CDK13: variants seen among roughly 807,000 people sequenced by gnomAD.
The protein encoded by CDK13 is cyclin dependent kinase 13.
A neutral mutation model predicts 137.6 loss-of-function variants in CDK13; 40 were observed. The ratio of observed to expected loss-of-function variants is 0.29; its 90% CI spans 0.23 to 0.38. The LOEUF is 0.38. CDK13 is among the 10% of genes least tolerant of loss of function. CDK13 has a pLI of 1.00. For synonymous variants in CDK13, 869 were observed against 760.1 expected, an observed-to-expected ratio of 1.14 and a Z score of -2.36; for missense variants, 1,704 against 1,951.8, an observed-to-expected ratio of 0.87 and a Z score of 2.39.
At chr7:40,011,976 G>C (rs1458298441) in intron 5 of CDK13, among the ~76,000 whole-genome samples, 1 of 152,128 alleles carries the variant, frequency 6.6e-6, no homozygotes, top group Non-Finnish European at 1.5e-5. Flanking sequence ...CAAGGGATCT[G>C]AACATATATT....
chr7:40,031,395 G>T (rs1021698045), intron 5 of CDK13, among the ~76,000 whole-genome samples: 2 of 151,994 alleles, frequency 1.3e-5, no homozygotes, highest in African/African-American at 4.8e-5. Flanking sequence ...GGTGGCACGT[G>T]CCTGCAGACC....
At chr7:40,074,819 C>A in intron 9 of CDK13, among the ~76,000 whole-genome samples, 1 of 146,492 alleles carries the variant, frequency 6.8e-6, no homozygotes, top group African/African-American at 2.5e-5. Context: ...AACCCTGTGT[C>A]TATTTAAAAA....
chr7:39,988,213 C>A lies in CDK13; in HGVS notation c.1826C>A (p.Pro609Gln), dbSNP rs200341630. 1.9e-6 allele frequency: 3 copies of A among 1,611,918 alleles called. No homozygotes were observed. The highest frequency in any genetic ancestry group is 2.5e-6 in the Non-Finnish European group (3 of 1,179,492). Residue 609 changes from proline (P) to glutamine (Q), a missense_variant, in exon 2 of 14, where the codon CCG (proline) becomes CAG (glutamine). Coordinates refer to ENST00000181839, the MANE Select transcript of CDK13 (RefSeq NM_003718.5). ...GCTTTAGTCACCTCTACATTACCAC[C>A]GTTACCTTTGCCTCCCATGCTGCCT... ...HVALVTSTLP[P>Q]LPLPPMLPED... is the part of the protein sequence containing the mutation.
intron 11 of CDK13, chr7:40,085,661 A>G (rs545851681): frequency 6.6e-6 from 1 of 152,642 alleles, no homozygotes; most frequent in Non-Finnish European, 1.5e-5. Context: ...GCTTCCCAAT[A>G]TCGATATTTC....
At chr7:40,021,513 G>A (rs1785125412) in intron 5 of CDK13, among the ~76,000 whole-genome samples, 1 of 151,934 alleles carries the variant, frequency 6.6e-6, no homozygotes, top group South Asian at 2.1e-4. Context: ...ATAATAATTT[G>A]TCTGTTTTAA....
At chr7:40,042,693 A>G (rs1413831655) in intron 5 of CDK13, among the ~76,000 whole-genome samples, 1 of 136,908 alleles carries the variant, frequency 7.3e-6, no homozygotes, top group Non-Finnish European at 1.7e-5. Context: ...TGTCCAGGCT[A>G]GTCTCAAAAC....
chr7:40,098,887 C>A lies in CDK13; in HGVS notation c.*3907C>A, dbSNP rs912815520. ...AAAAATAGAAAAATAAAAACATCTT[C>A]AAAATTTAGGAGCCTGAAGGGGCTG... is the stretch of plus-strand genomic sequence containing the variant. On this transcript the variant is annotated 3_prime_UTR_variant, in exon 14 of 14. Coordinates refer to ENST00000181839, the MANE Select transcript of CDK13 (RefSeq NM_003718.5). 5 of 151,924 alleles carry A rather than the reference C, an allele frequency of 3.3e-5. No homozygotes were observed. The highest frequency in any genetic ancestry group is 3.3e-4 in the Admixed American group (5 of 15,242). 9.4% of individuals were successfully genotyped at this position (151,924 alleles called of 1,614,324 possible).
chr7:40,054,636 G>A (rs1246703338), intron 7 of CDK13, among the ~76,000 whole-genome samples: 1 of 152,126 alleles, frequency 6.6e-6, no homozygotes, highest in African/African-American at 2.4e-5. Context: ...TCACTGTGTT[G>A]TCCAGGCTGG....
intron 1 of CDK13, among the ~76,000 whole-genome samples, chr7:39,974,262 C>T (rs905858075): frequency 4.0e-5 from 6 of 150,952 alleles, no homozygotes; most frequent in Admixed American, 2.6e-4. Flanking sequence ...GACAGGGTTT[C>T]ACTATGTTGC....
intron 5 of CDK13, among the ~76,000 whole-genome samples, chr7:40,009,958 A>G (rs1784862446): frequency 6.6e-6 from 1 of 152,168 alleles, no homozygotes; most frequent in Non-Finnish European, 1.5e-5. Context: ...TTTATGCATG[A>G]GAAAATCCTG....
intron 7 of CDK13, chr7:40,049,228 G>A (rs1785824202): frequency 6.7e-6 from 1 of 149,528 alleles, no homozygotes; most frequent in African/African-American, 2.5e-5. Flanking sequence ...GAGAGGGAAG[G>A]AGGAAGGAAG....
chr7:40,045,746 C>T, intron 5 of CDK13, 90 bp from the exon 6 acceptor site: 1 of 804,002 alleles, frequency 1.2e-6, no homozygotes, highest in Non-Finnish European at 2.0e-6. Context: ...ATTAATTCTT[C>T]CTCTACCAGC....
At chr7:40,039,672 T>C (rs1005160387) in intron 5 of CDK13, among the ~76,000 whole-genome samples, 39 of 152,046 alleles carry the variant, frequency 2.6e-4, no homozygotes, top group African/African-American at 8.9e-4. Context: ...CCTCAAGTGA[T>C]CCACCTGCCT....
rs992749182 is a variant in CDK13, at chr7:39,950,785, C to T, written c.144C>T (p.Leu48=). The T allele has an allele frequency of 4.5e-5, 66 of 1,468,882 alleles. No individual in the cohort carries two copies. The highest frequency in any genetic ancestry group is 5.5e-5 in the Non-Finnish European group (61 of 1,117,630). The allele number at this position is 1,468,882 out of a possible 1,614,324, so 91.0% of individuals were successfully genotyped here. A position where few individuals can be genotyped will look rare whatever the true frequency, so the allele number is the denominator to read the frequency against. ...TGTTGCCGCTCCTGCAGCCGCAGCT[C>T]CTGCAACCGCCGCCGCCCCCGCCGC... ...PLLLPLLQPQ[L]LQPPPPPPPL... The change falls in exon 1 of 14, where the codon CTC becomes CTT. Residue 48 remains leucine, a synonymous_variant. Transcript: ENST00000181839.
chr7:40,066,543 T>A (rs1459670928), intron 9 of CDK13: 1 of 152,230 alleles, frequency 6.6e-6, no homozygotes, highest in Admixed American at 6.5e-5. Context: ...TTATTATAAT[T>A]ACATAGTTTA....
At chr7:39,957,851 A>G (rs865997063) in intron 1 of CDK13, among the ~76,000 whole-genome samples, 19 of 152,340 alleles carry the variant, frequency 1.2e-4, no homozygotes, top group African/African-American at 4.3e-4. Context: ...GTTGGAAGTG[A>G]ATGTTGCTTA....
chr7:40,016,238 T>C (rs981027520), intron 5 of CDK13, among the ~76,000 whole-genome samples: 2 of 152,196 alleles, frequency 1.3e-5, no homozygotes, highest in African/African-American at 4.8e-5. Context: ...ACAATGAGGC[T>C]GGGGGATTGT....
Position 39,996,546 on chromosome 7 carries a change from T to G in CDK13, c.1872-948T>G, listed in dbSNP as rs17496296. Among the ~76,000 whole-genome samples the G allele has an allele frequency of 8.7e-3, 1,327 of 152,300 alleles. 19 individuals are homozygous for G. Among genetic ancestry groups the G allele is most frequent in the African/African-American group, 0.03 (1,256 of 41,566 alleles). ...AATCTTAAAAAAATTAGAAGAATAA[T>G]TGTCCAATTTAGAAAAATTAATTAA... On this transcript the variant is annotated intron_variant, in intron 2 of 13. Coordinates refer to ENST00000181839, the MANE Select transcript of CDK13 (RefSeq NM_003718.5).
intron 1 of CDK13, among the ~76,000 whole-genome samples, chr7:39,976,323 T>TCTCTCTCTCTCTCTCTCTCTCTCA: frequency 9.3e-4 from 37 of 39,578 alleles, no homozygotes; most frequent in African/African-American, 1.3e-3. Context: ...TCTCTCTCTC[T>TCTCTCTCTCTCTCTCTCTCTCTCA]CACACACACA....
Sources: allele counts gnomAD v4.1 joint callset (sites outside exome capture counted in the v4.1 genomes callset), GRCh38; gene constraint gnomAD v4.1.1; transcripts MANE v1.5; gene names NCBI Gene and HGNC (gene_info 2026-07-23, HGNC 2026-07-21).